ACAP1: variants seen among roughly 807,000 people sequenced by gnomAD.
ACAP1 encodes ArfGAP with coiled-coil, ankyrin repeat and PH domains 1, also known as arf-GAP with coiled-coil, ANK repeat and PH domain-containing protein 1.
A neutral mutation model predicts 98.8 loss-of-function variants in ACAP1; 45 were observed. That is an observed-to-expected ratio of 0.46 (90% confidence interval 0.36 to 0.58). The LOEUF is 0.58. Among genes scored for constraint, ACAP1 ranks in the 20% least tolerant of loss-of-function variants. The probability of loss-of-function intolerance (pLI) is 0.00; values close to 1 mark genes in which losing one functional copy is unlikely to be tolerated. For synonymous variants in ACAP1, 362 were observed against 375.3 expected, an observed-to-expected ratio of 0.96 and a Z score of 0.41; for missense variants, 735 against 971.4, an observed-to-expected ratio of 0.76 and a Z score of 3.24.
At position 7,342,482 on chromosome 17, in the gene ACAP1, G is replaced by A. The variant is rs184515330; in HGVS notation, c.344+8G>A. ...CCAGACCCTGGTCAAGGAGTGAGAT[G>A]GGGCCGGGCGCAGTGGCTCATGCCT... is the stretch of plus-strand genomic sequence containing the variant. On this transcript the variant is annotated splice_region_variant and intron_variant, in intron 5 of 21. Coordinates refer to ENST00000158762, the MANE Select transcript of ACAP1 (RefSeq NM_014716.4). 15 of 1,614,038 alleles carry A rather than the reference G, an allele frequency of 9.3e-6. No homozygotes were observed. The African/African-American group carries it at 2.0e-4, about 22-fold the overall frequency.
chr17:7,348,728 G>A, intron 17 of ACAP1: 1 of 583,178 alleles, frequency 1.7e-6, no homozygotes, highest in South Asian at 2.6e-5. Flanking sequence ...GGGTTTGGCT[G>A]GAGCGTCAGG....
chr17:7,339,610 G>A (rs750778763), intron 2 of ACAP1, among the ~76,000 whole-genome samples: 19 of 152,304 alleles, frequency 1.2e-4, no homozygotes, highest in Admixed American at 6.5e-4. Flanking sequence ...AGCCGAGATC[G>A]TGCCACTGCA....
At chr17:7,347,749 CAGGTCAAG>C in intron 14 of ACAP1, 165 bp from the exon 15 acceptor site, 2 of 611,654 alleles carry the variant, frequency 3.3e-6, no homozygotes, top group Non-Finnish European at 5.9e-6. Flanking sequence ...CTGCCAGGGC[CAGGTCAAG>C]GCTACATGGC....
At chr17:7,347,749 C>G (rs963819105) in intron 14 of ACAP1, 173 bp from the exon 15 acceptor site, 16 of 611,536 alleles carry the variant, frequency 2.6e-5, no homozygotes, top group Non-Finnish European at 4.4e-5. Flanking sequence ...CTGCCAGGGC[C>G]AGGTCAAGGC....
At position 7,347,235 on chromosome 17, in the gene ACAP1, ATCCACAGGTTAC is replaced by A. The variant is rs1749654848; in HGVS notation, c.1343_1343+11del. 6.2e-7 allele frequency: 1 copy of A among 1,612,098 alleles called. No individual in the cohort carries two copies. On this transcript the variant is annotated splice_donor_variant and splice_donor_5th_base_variant and coding_sequence_variant and intron_variant, in exon 14 of 22. Coordinates refer to ENST00000158762, the MANE Select transcript of ACAP1 (RefSeq NM_014716.4). LOFTEE classifies it high-confidence loss of function. The stretch of plus-strand genomic sequence containing the variant: ...CACCCTCTGCATTCAGTGTTCCGGC[ATCCACAGGTTAC>A]TCCACAAGGCCCATGCGGGAGCCCC...
At position 7,342,054 on chromosome 17, in the gene ACAP1, A is replaced by G; in HGVS notation, c.218A>G (p.Glu73Gly). The G allele has an allele frequency of 1.2e-6, 2 of 1,613,932 alleles. No homozygotes were observed. The highest frequency in any genetic ancestry group is 1.1e-5 in the South Asian group (1 of 91,078). ...ICDLARLGPP[E>G]PMMAECLEKF... is the part of the protein sequence containing the mutation. The stretch of plus-strand genomic sequence containing the variant: ...GACCTGGCCCGCCTGGGTCCACCAG[A>G]GCCCATGATGGCGGTATGCGGAGGG... Residue 73 changes from glutamate to glycine, a missense_variant, in exon 3 of 22, where the codon GAG becomes GGG. By Grantham distance (98) the Glu-to-Gly change is moderately conservative. Around this residue, in one of 5 missense-constraint regions of ACAP1, gnomAD observed 430 missense variants for 531.8 expected, o/e 0.81. Coordinates refer to ENST00000158762, the MANE Select transcript of ACAP1 (RefSeq NM_014716.4).
chr17:7,344,219 C>A lies in ACAP1; in HGVS notation c.744+96C>A. ...TTGAGGCCTGGAGTTCAAGATTAGC[C>A]TAGGCATCGTAGTGAAACTCCATCT... On this transcript the variant is annotated intron_variant, in intron 9 of 21. Transcript: ENST00000158762. This position sits in a 1 kb window ranked among gnomAD's most constrained non-coding sequence, Gnocchi z 4.9. The A allele has an allele frequency of 7.4e-7, 1 of 1,357,524 alleles. No individual in the cohort carries two copies. The highest frequency in any genetic ancestry group is 1.0e-6 in the Non-Finnish European group (1 of 979,424). The allele number at this position is 1,357,524 out of a possible 1,614,324, so 84.1% of individuals were successfully genotyped here. A position where few individuals can be genotyped will look rare whatever the true frequency, so the allele number is the denominator to read the frequency against.
chr17:7,346,325 G>A, intron 11 of ACAP1, 30 bp downstream of exon 11: 4 of 1,614,004 alleles, frequency 2.5e-6, no homozygotes, highest in Non-Finnish European at 3.4e-6. Flanking sequence ...GGATGCCTGG[G>A]CCCCAGGGAG....
At position 7,350,269 on chromosome 17, in the gene ACAP1, T is replaced by C. The variant is rs756419576; in HGVS notation, c.2072+32T>C. On this transcript the variant is annotated intron_variant, in intron 20 of 21. Transcript: ENST00000158762. The surrounding 1 kb of genome is among the most constrained non-coding windows in gnomAD (Gnocchi z 4.6). The stretch of plus-strand genomic sequence containing the variant: ...ATGCCTGAAGGGGCGGGGCTGGCGC[T>C]GGGACTCCCCCCACCCCCGCCCACC... The C allele has an allele frequency of 4.8e-5, 74 of 1,537,890 alleles. No homozygotes were observed. The East Asian group carries it at 6.8e-4, about 14-fold the overall frequency.
At position 7,343,476 on chromosome 17, in the gene ACAP1, C is replaced by T. The variant is rs374334594; in HGVS notation, c.442C>T (p.Arg148Trp). Residue 148 changes from arginine (R) to tryptophan (W), a missense_variant, in exon 6 of 22, where the codon CGG (arginine) becomes TGG (tryptophan). By Grantham distance (101) the Arg-to-Trp change is moderately radical (BLOSUM62 -3). This residue lies in a region of ACAP1 where 430 missense variants were observed against 531.8 expected (regional missense o/e 0.81). Coordinates refer to ENST00000158762, the MANE Select transcript of ACAP1 (RefSeq NM_014716.4). The surrounding 1 kb of genome is among the most constrained non-coding windows in gnomAD (Gnocchi z 4.9). Reference sequence around the variant, plus strand: ...CCACAACGCAGAGGTTCCCAGGCGCCGGGCCCAGGAGGCAGAAGAGGCAGG... The same window carrying T: ...CCACAACGCAGAGGTTCCCAGGCGCTGGGCCCAGGAGGCAGAAGAGGCAGG... ...LTHNAEVPRR[R>W]AQEAEEAGAA... 7.4e-6 allele frequency: 12 copies of T among 1,614,082 alleles called. No individual in the cohort carries two copies. The African/African-American group carries it at 9.3e-5, about 13-fold the overall frequency.
chr17:7,346,982 C>T (rs1333812588), intron 13 of ACAP1, 49 bp from the exon 14 acceptor site: 1 of 1,585,982 alleles, frequency 6.3e-7, no homozygotes, highest in South Asian at 1.1e-5. Context: ...GATGGGGCAC[C>T]CTTTACCCTA....
At position 7,350,542 on chromosome 17, in the gene ACAP1, G is replaced by T; in HGVS notation, c.2072+305G>T. The T allele has an allele frequency of 2.1e-6, 1 of 484,240 alleles. No homozygotes were observed. The allele number at this position is 484,240 out of a possible 1,614,324, so 30.0% of individuals were successfully genotyped here. On this transcript the variant is annotated intron_variant, in intron 20 of 21. Transcript: ENST00000158762. The surrounding 1 kb of genome is among the most constrained non-coding windows in gnomAD (Gnocchi z 4.6). ...TTTTAGCACTAGACGTGACCCCGGG[G>T]GTGGGGGCAGATGAACGGAACGCAA...
intron 18 of ACAP1, 164 bp from the exon 19 acceptor site, chr17:7,349,781 C>A: frequency 3.3e-6 from 2 of 606,008 alleles, no homozygotes; most frequent in Non-Finnish European, 5.9e-6. Context: ...ATGCAAAGAG[C>A]TAGAGCCAAG....
intron 5 of ACAP1, 108 bp downstream of exon 5, chr17:7,342,582 A>G: frequency 2.4e-6 from 3 of 1,230,888 alleles, no homozygotes; most frequent in Non-Finnish European, 3.5e-6. Context: ...CCTAGCCAAC[A>G]TGGCGAAACT....
chr17:7,341,711 G>A (rs2073280745), intron 2 of ACAP1, among the ~76,000 whole-genome samples: 2 of 152,208 alleles, frequency 1.3e-5, no homozygotes, highest in Admixed American at 1.3e-4. Context: ...AGGCTGAGAG[G>A]AATGGGCAGG....
At chr17:7,340,908 T>C (rs2073269442) in intron 2 of ACAP1, among the ~76,000 whole-genome samples, 1 of 152,150 alleles carries the variant, frequency 6.6e-6, no homozygotes, top group Non-Finnish European at 1.5e-5. Flanking sequence ...ATCCAACTCC[T>C]GACCTCAGGT....
intron 1 of ACAP1, 143 bp from the exon 2 acceptor site, chr17:7,337,169 G>A: frequency 2.6e-6 from 2 of 777,920 alleles, no homozygotes; most frequent in Non-Finnish European, 2.2e-6. Context: ...AGCGGGCAGA[G>A]CACAAGTAGG....
chr17:7,348,418 C>A lies in ACAP1; in HGVS notation c.1621C>A (p.Pro541Thr), dbSNP rs763142979. 1 of 1,526,924 alleles carries A rather than the reference C, an allele frequency of 6.5e-7. No individual in the cohort carries two copies. The highest frequency in any genetic ancestry group is 2.3e-5 in the East Asian group (1 of 43,646). The allele number at this position is 1,526,924 out of a possible 1,614,324, so 94.6% of individuals were successfully genotyped here. Residue 541 changes from proline to threonine, a missense_variant, in exon 17 of 22, where the codon CCT becomes ACT. Physicochemically the swap from Pro to Thr is conservative, Grantham distance 38 (BLOSUM62 -1). This residue lies in a region of ACAP1 where 80 missense variants were observed against 64.4 expected (regional missense o/e 1.24). Transcript: ENST00000158762. ...CCGGGGGCGCCCAAGGGGGCAGCCT[C>A]CTGTGCCCCCAAAGCCTTCCATCAG... ...GGRGRPRGQP[P>T]VPPKPSIRPR...
In ACAP1 at chr17:7,342,215, G is replaced by A. The variant is rs777908576; in HGVS notation, c.232-60G>A. 1.7e-5 allele frequency: 28 copies of A among 1,609,556 alleles called. 1 individual carries two copies. Among genetic ancestry groups the A allele is most frequent in the Admixed American group, 6.7e-5 (4 of 59,986 alleles). Reference sequence around the variant, plus strand: ...TGACAGCCGTAGCAGGCTGGGTCTCGAGTCGGGAGGGTGCTGCCACCCCAT... The same window carrying A: ...TGACAGCCGTAGCAGGCTGGGTCTCAAGTCGGGAGGGTGCTGCCACCCCAT... On this transcript the variant is annotated intron_variant, in intron 3 of 21. Transcript: ENST00000158762.
Sources: allele counts gnomAD v4.1 joint callset (sites outside exome capture counted in the v4.1 genomes callset), GRCh38; gene constraint gnomAD v4.1.1; regional missense constraint gnomAD v4.1.1; non-coding constraint Gnocchi (gnomAD v3.1); transcripts MANE v1.5; gene names NCBI Gene and HGNC (gene_info 2026-07-23, HGNC 2026-07-21).